SLC14A2: variants seen among roughly 807,000 people sequenced by gnomAD.
The protein encoded by SLC14A2 is urea transporter 2.
A neutral mutation model predicts 104.6 loss-of-function variants in SLC14A2; 91 were observed. The observed-to-expected ratio is 0.87, with a 90% confidence interval of 0.73 to 1.04. The LOEUF is 1.04. Ranked by LOEUF, SLC14A2 falls within the 50% of genes least tolerant of loss-of-function variation. SLC14A2 has a pLI of 0.00. For missense variants in SLC14A2, 1,189 were observed against 1,156.0 expected (o/e 1.03, Z -0.41); for synonymous variants, 476 against 466.4 (o/e 1.02, Z -0.27).
intron 1 of SLC14A2, among the ~76,000 whole-genome samples, chr18:45,234,841 C>CT (rs199740276): frequency 3.3e-5 from 5 of 151,402 alleles, no homozygotes; most frequent in East Asian, 1.9e-4. Flanking sequence ...TATTTAGCGC[C>CT]TTTTTTTTTC....
At position 45,405,294 on chromosome 18, in the gene SLC14A2, A is replaced by T. The variant is rs118045091; in HGVS notation, c.-124-77939A>T. Among the ~76,000 whole-genome samples the T allele has an allele frequency of 1.8e-4, 28 of 152,278 alleles. 1 individual carries two copies. In the East Asian group the frequency reaches 5.4e-3, roughly 29 times the overall value. On this transcript the variant is annotated intron_variant, in intron 1 of 20. Transcript: ENST00000586448. ...GGGAAAAGAACAGAGCAAGTTGGCA[A>T]ACTAAGCCAGGAGAGGTTCAAGTAG...
chr18:45,396,176 TC>T (rs1232601741), intron 1 of SLC14A2, among the ~76,000 whole-genome samples: 1 of 152,186 alleles, frequency 6.6e-6, no homozygotes, highest in Non-Finnish European at 1.5e-5. Flanking sequence ...TTTATGTTTA[TC>T]CTGATTAAAA....
intron 2 of SLC14A2, among the ~76,000 whole-genome samples, chr18:45,512,033 G>A (rs555426150): frequency 4.7e-4 from 71 of 152,304 alleles, no homozygotes; most frequent in African/African-American, 1.6e-3. Flanking sequence ...AGGAACCTAG[G>A]CAGAGCCCAG....
At chr18:45,466,785 G>A (rs1288857638) in intron 1 of SLC14A2, among the ~76,000 whole-genome samples, 8 of 151,764 alleles carry the variant, frequency 5.3e-5, no homozygotes, top group Admixed American at 4.6e-4. Flanking sequence ...AAGAGAGGCA[G>A]CCAAGCACCC....
chr18:45,506,113 G>A (rs926558794), intron 2 of SLC14A2, among the ~76,000 whole-genome samples: 1 of 152,168 alleles, frequency 6.6e-6, no homozygotes, highest in Non-Finnish European at 1.5e-5. Context: ...GAGGCTGCAG[G>A]GGGACCTTGA....
At chr18:45,410,381 A>G (rs1368354258) in intron 1 of SLC14A2, among the ~76,000 whole-genome samples, 5 of 152,174 alleles carry the variant, frequency 3.3e-5, no homozygotes, top group African/African-American at 1.2e-4. Flanking sequence ...TGGTCTTAAT[A>G]TAAATCTATG....
At chr18:45,598,257 G>A (rs16978422) in intron 2 of SLC14A2, among the ~76,000 whole-genome samples, 1,851 of 152,190 alleles carry the variant, frequency 0.012, 29 homozygotes, top group African/African-American at 0.04. Context: ...ATAGATTACC[G>A]AGAAGCTCCA....
chr18:45,474,610 G>A (rs1166399218), intron 1 of SLC14A2, among the ~76,000 whole-genome samples: 2 of 152,168 alleles, frequency 1.3e-5, no homozygotes, highest in East Asian at 3.8e-4. Context: ...TCTTGGGAGG[G>A]TGTATGTGTC....
intron 18 of SLC14A2, among the ~76,000 whole-genome samples, chr18:45,676,277 T>C (rs2046228343): frequency 6.6e-6 from 1 of 152,194 alleles, no homozygotes; most frequent in Non-Finnish European, 1.5e-5. Context: ...TAGTGGCCCA[T>C]GACTTCCACA....
chr18:45,534,647 C>T (rs575482083), intron 2 of SLC14A2, among the ~76,000 whole-genome samples: 47 of 152,246 alleles, frequency 3.1e-4, no homozygotes, highest in South Asian at 4.1e-4. Context: ...GATGCTCACT[C>T]AAGGTCAAGC....
intron 1 of SLC14A2, among the ~76,000 whole-genome samples, chr18:45,236,742 T>G (rs576651420): frequency 1.3e-5 from 2 of 152,068 alleles, no homozygotes; most frequent in Non-Finnish European, 2.9e-5. Flanking sequence ...CATATCTCTC[T>G]TAAACATTGT....
chr18:45,358,246 C>T (rs1376669966), intron 1 of SLC14A2, among the ~76,000 whole-genome samples: 1 of 152,214 alleles, frequency 6.6e-6, no homozygotes, highest in East Asian at 1.9e-4. Context: ...ATTACTTTTG[C>T]AGCCACACTC....
At chr18:45,199,087 T>C in the SLC14A2 span, among the ~76,000 whole-genome samples, 2 of 152,174 alleles carry the variant, frequency 1.3e-5, no homozygotes, top group African/African-American at 4.8e-5. Flanking sequence ...CTTGAAGGCA[T>C]AAAATTATAC....
chr18:45,615,093 G>T (rs554399532), upstream of SLC14A2: 1 of 152,182 alleles, frequency 6.6e-6, no homozygotes, highest in East Asian at 1.9e-4. Flanking sequence ...CGCCGCACCC[G>T]GCCATTTGCT....
intron 1 of SLC14A2, among the ~76,000 whole-genome samples, chr18:45,236,167 GTA>G (rs1373933462): frequency 4.4e-4 from 25 of 57,172 alleles, no homozygotes; most frequent in African/African-American, 1.4e-3. Flanking sequence ...GTATATATGT[GTA>G]TATATACATA....
chr18:45,450,208 C>T (rs2852296), intron 1 of SLC14A2, among the ~76,000 whole-genome samples: 1 of 152,132 alleles, frequency 6.6e-6, no homozygotes, highest in Non-Finnish European at 1.5e-5. Flanking sequence ...TGCTTGGTTG[C>T]GGAGAGGTCC....
At chr18:45,668,593 C>T (rs1261597255) in intron 15 of SLC14A2, 116 bp downstream of exon 15, 3 of 1,159,928 alleles carry the variant, frequency 2.6e-6, no homozygotes, top group Admixed American at 2.0e-5. Flanking sequence ...TTAGCTTGCA[C>T]ATCAGAAATG....
the SLC14A2 span, among the ~76,000 whole-genome samples, chr18:45,187,119 A>G: frequency 6.6e-6 from 1 of 152,206 alleles, no homozygotes; most frequent in African/African-American, 2.4e-5. Flanking sequence ...ATCACCACCC[A>G]GGAATATTCT....
intron 1 of SLC14A2, among the ~76,000 whole-genome samples, chr18:45,450,848 G>A (rs2086846327): frequency 6.6e-6 from 1 of 152,202 alleles, no homozygotes; most frequent in African/African-American, 2.4e-5. Flanking sequence ...AGACAAATGG[G>A]GAAGGTAGTA....
Sources: gnomAD v4.1 joint callset for allele counts (sites outside exome capture counted in the v4.1 genomes callset) on GRCh38, gnomAD v4.1.1 for gene constraint, MANE v1.5 for transcripts, NCBI Gene and HGNC (gene_info 2026-07-23, HGNC 2026-07-21) for gene names.